SOX6: variants seen among roughly 807,000 people sequenced by gnomAD.
SOX6 encodes the protein SRY-box transcription factor 6.
A neutral mutation model predicts 97.8 loss-of-function variants in SOX6; 11 were observed. The ratio of observed to expected loss-of-function variants is 0.11; its 90% confidence interval spans 0.07 to 0.19. The LOEUF (loss-of-function observed/expected upper bound fraction) is 0.19, where lower values mean the gene tolerates loss of function less well. SOX6 is among the 10% of genes least tolerant of loss of function. The pLI is 1.00. For synonymous variants in SOX6, 360 were observed against 371.4 expected (o/e 0.97, Z 0.35); for missense variants, 810 against 1,039.5 (o/e 0.78, Z 3.04).
chr11:16,387,082 T>C (rs764958668), intron 1 of SOX6, among the ~76,000 whole-genome samples: 1 of 152,218 alleles, frequency 6.6e-6, no homozygotes, highest in Non-Finnish European at 1.5e-5. Context: ...TGTGGGTTAA[T>C]GTCCTCGTAT....
intron 2 of SOX6, among the ~76,000 whole-genome samples, chr11:16,720,417 A>G (rs949443060): frequency 7.2e-6 from 1 of 138,328 alleles, no homozygotes; most frequent in Non-Finnish European, 1.5e-5. Context: ...ATTGGAAATC[A>G]TCATTCTCAG....
intron 3 of SOX6, among the ~76,000 whole-genome samples, chr11:16,280,015 A>G (rs1259192016): frequency 1.3e-5 from 2 of 152,158 alleles, no homozygotes; most frequent in African/African-American, 2.4e-5. Flanking sequence ...ATTTGAAAAC[A>G]AAGTTTTTCA....
chr11:16,124,972 T>A (rs548344926), intron 6 of SOX6, among the ~76,000 whole-genome samples: 2 of 152,130 alleles, frequency 1.3e-5, no homozygotes, highest in South Asian at 4.2e-4. Context: ...TTCCATCTTA[T>A]ATATCCTCTC....
chr11:16,354,051 T>C (rs1434262120), intron 1 of SOX6, among the ~76,000 whole-genome samples: 1 of 151,994 alleles, frequency 6.6e-6, no homozygotes, highest in East Asian at 1.9e-4. Flanking sequence ...TACCAGGATC[T>C]ATTGCCAGAA....
At chr11:16,724,915 A>G (rs1408505122) in intron 2 of SOX6, among the ~76,000 whole-genome samples, 1 of 152,200 alleles carries the variant, frequency 6.6e-6, no homozygotes, top group Admixed American at 6.5e-5. Context: ...TGCTGGTGGG[A>G]ATGTAAAATG....
intron 3 of SOX6, among the ~76,000 whole-genome samples, chr11:16,246,255 T>A (rs1434419466): frequency 1.3e-5 from 2 of 151,702 alleles, no homozygotes; most frequent in Non-Finnish European, 3.0e-5. Context: ...ATGGTTATTG[T>A]TTATTCTATA....
chr11:16,029,626 A>G (rs574765983), intron 12 of SOX6, among the ~76,000 whole-genome samples: 70 of 149,846 alleles, frequency 4.7e-4, no homozygotes, highest in African/African-American at 1.7e-3. Context: ...ACAGAGCAAG[A>G]CTCCGTCTCA....
At chr11:16,028,707 A>C (rs1435936280) in intron 12 of SOX6, among the ~76,000 whole-genome samples, 1 of 152,164 alleles carries the variant, frequency 6.6e-6, no homozygotes, top group Non-Finnish European at 1.5e-5. Context: ...ATCTGATGTA[A>C]ATGAGGTATG....
intron 6 of SOX6, among the ~76,000 whole-genome samples, chr11:16,182,649 T>C (rs1031743500): frequency 2.0e-5 from 3 of 151,904 alleles, no homozygotes; most frequent in African/African-American, 7.2e-5. Context: ...TTTTGCAACA[T>C]GTGTACTTGA....
chr11:16,242,695 C>A (rs1262086302), intron 3 of SOX6, among the ~76,000 whole-genome samples: 1 of 149,792 alleles, frequency 6.7e-6, no homozygotes, highest in East Asian at 2.0e-4. Flanking sequence ...TTCAAAGTTA[C>A]GTGTTCAAAA....
At chr11:16,677,827 C>A (rs1847896487) in intron 3 of SOX6, among the ~76,000 whole-genome samples, 2 of 152,158 alleles carry the variant, frequency 1.3e-5, no homozygotes, top group South Asian at 4.1e-4. Context: ...AGCTATCTGG[C>A]ACTGGAATTT....
intron 4 of SOX6, among the ~76,000 whole-genome samples, chr11:16,498,024 C>G (rs1291486652): frequency 6.6e-6 from 1 of 152,064 alleles, no homozygotes; most frequent in African/African-American, 2.4e-5. Flanking sequence ...GTCAGATTCA[C>G]CAAAGTTGAA....
chr11:16,443,846 C>G (rs1377382414), intron 1 of SOX6, among the ~76,000 whole-genome samples: 1 of 151,960 alleles, frequency 6.6e-6, no homozygotes, highest in Non-Finnish European at 1.5e-5. Flanking sequence ...AACCCCATCT[C>G]TACTAAAAAT....
intron 3 of SOX6, among the ~76,000 whole-genome samples, chr11:16,648,344 C>A (rs185897633): frequency 2.6e-4 from 39 of 152,184 alleles, no homozygotes; most frequent in African/African-American, 9.4e-4. Context: ...CCATGGCAGG[C>A]CCCACCCAAG....
intron 3 of SOX6, among the ~76,000 whole-genome samples, chr11:16,286,282 C>T (rs1049441644): frequency 3.3e-5 from 5 of 152,148 alleles, no homozygotes; most frequent in African/African-American, 9.6e-5. Flanking sequence ...CAATGACTAA[C>T]GTCATTGCTT....
chr11:16,367,951 CA>C (rs1200959380), intron 1 of SOX6, among the ~76,000 whole-genome samples: 1 of 152,102 alleles, frequency 6.6e-6, no homozygotes, highest in Non-Finnish European at 1.5e-5. Flanking sequence ...CAACCTATAA[CA>C]AAACCAATTT....
At chr11:16,018,002 C>A (rs1854938691) in intron 12 of SOX6, among the ~76,000 whole-genome samples, 1 of 152,054 alleles carries the variant, frequency 6.6e-6, no homozygotes, top group African/African-American at 2.4e-5. Context: ...CACAAACATG[C>A]AGGCAACATA....
intron 3 of SOX6, among the ~76,000 whole-genome samples, chr11:16,669,466 T>C (rs1847831531): frequency 6.6e-6 from 1 of 152,142 alleles, no homozygotes; most frequent in Non-Finnish European, 1.5e-5. Context: ...GCAGCAGCCC[T>C]ACAGAAAAGT....
At position 16,578,498 on chromosome 11, in the gene SOX6, G is replaced by C. The variant is rs551390941; in HGVS notation, n.609+33583C>G. ...TTTATAAAGTGAAAAGATTGGGCTA[G>C]ATTGTGTTAGATTGTTTTTCCCCCA... On this transcript the variant is annotated intron_variant and non_coding_transcript_variant, in intron 4 of 5. Coordinates refer to the SOX6 transcript ENST00000524520. 2.0e-3 allele frequency among the ~76,000 whole-genome samples: 299 copies of C among 152,224 alleles called. 2 individuals are homozygous for C. The highest frequency in any genetic ancestry group is 3.0e-3 in the Non-Finnish European group (203 of 67,974).
Sources: allele counts gnomAD v4.1 joint callset (sites outside exome capture counted in the v4.1 genomes callset), GRCh38; gene constraint gnomAD v4.1.1; transcripts MANE v1.5; gene names NCBI Gene and HGNC (gene_info 2026-07-23, HGNC 2026-07-21).